SHTN1: variants seen among roughly 807,000 people sequenced by gnomAD.
The protein encoded by SHTN1 is shootin 1, also known as shootin-1.
A neutral mutation model predicts 83.1 loss-of-function variants in SHTN1; 42 were observed. The observed-to-expected ratio is 0.51, with a 90% CI of 0.39 to 0.65. The LOEUF (loss-of-function observed/expected upper bound fraction) is 0.65, where lower values mean the gene tolerates loss of function less well. Ranked by LOEUF, SHTN1 falls within the 30% of genes least tolerant of loss-of-function variation. SHTN1 has a pLI of 0.00. For synonymous variants in SHTN1, 224 were observed against 247.7 expected (o/e 0.90, Z 0.90); for missense variants, 622 against 737.8 (o/e 0.84, Z 1.82).
chr10:117,085,363 A>C lies in SHTN1; in HGVS notation c.-188-36853T>G, dbSNP rs187191599. Among the ~76,000 whole-genome samples the C allele has an allele frequency of 1.7e-3, 255 of 152,250 alleles. 5 individuals carry two copies. Among genetic ancestry groups the C allele is most frequent in the Admixed American group, 0.017 (253 of 15,278 alleles). The stretch of plus-strand genomic sequence containing the variant: ...TTTTTATGTTTACTTAGTTGAAAAT[A>C]TTTTTAAATTTCTCTTGCGATTTCT... On this transcript the variant is annotated intron_variant, in intron 1 of 17. Coordinates refer to the SHTN1 transcript ENST00000392901.
At chr10:116,908,328 C>T (rs1457060583) in intron 14 of SHTN1, among the ~76,000 whole-genome samples, 1 of 152,080 alleles carries the variant, frequency 6.6e-6, no homozygotes, top group East Asian at 1.9e-4. Flanking sequence ...TCACATGTAA[C>T]ACTATAATGG....
At chr10:116,918,684 C>G (rs1417415816) in intron 12 of SHTN1, among the ~76,000 whole-genome samples, 3 of 152,152 alleles carry the variant, frequency 2.0e-5, no homozygotes, top group African/African-American at 4.8e-5. Flanking sequence ...TGAGTATTTT[C>G]TGTGCTGGAT....
At position 116,885,593 on chromosome 10, in the gene SHTN1, A is replaced by G. The variant is rs1301092939; in HGVS notation, c.*751T>C. ...GTGCCACATTAGTATTTGGGAAAAC[A>G]TAATTAACTCATAGCACAGAGCACA... On this transcript the variant is annotated 3_prime_UTR_variant, in exon 17 of 17. Transcript: ENST00000355371. The G allele has an allele frequency of 3.3e-5, 5 of 152,636 alleles. No homozygotes were observed. The highest frequency in any genetic ancestry group is 7.3e-5 in the Non-Finnish European group (5 of 68,054). 9.5% of individuals were successfully genotyped at this position (152,636 alleles called of 1,614,324 possible).
chr10:117,037,841 A>G (rs1852522041), intron 2 of SHTN1, among the ~76,000 whole-genome samples: 1 of 151,924 alleles, frequency 6.6e-6, no homozygotes, highest in South Asian at 2.1e-4. Flanking sequence ...CCCCATCTCT[A>G]CTAAAAATAC....
At chr10:117,006,565 CAAA>C (rs35193104), upstream of SHTN1, among the ~76,000 whole-genome samples, 13 of 92,618 alleles carry the variant, frequency 1.4e-4, no homozygotes, top group Admixed American at 2.2e-4. Flanking sequence ...GACTCCGTCT[CAAA>C]AAAAAAAAAA....
chr10:116,995,007 A>G (rs1487043439), intron 1 of SHTN1, among the ~76,000 whole-genome samples: 1 of 152,154 alleles, frequency 6.6e-6, no homozygotes, highest in East Asian at 1.9e-4. Flanking sequence ...TAGAAATCTA[A>G]CATGCTACCT....
intron 15 of SHTN1, among the ~76,000 whole-genome samples, chr10:116,903,719 T>C (rs1847845366): frequency 6.6e-6 from 1 of 152,194 alleles, no homozygotes; most frequent in Non-Finnish European, 1.5e-5. Flanking sequence ...TTGACTACAA[T>C]ACTAGTTAGC....
chr10:116,886,526 C>G lies in SHTN1; in HGVS notation c.1714G>C (p.Gly572Arg). Reference sequence around the variant, plus strand: ...ACAACTGGTTCGGCTTGTTTTTCACCGTCAATGTATTTTTTCCTGCATCCA... The same window carrying G: ...ACAACTGGTTCGGCTTGTTTTTCACGGTCAATGTATTTTTTCCTGCATCCA... ...SIGCRKKYID[G>R]EKQAEPVVVL... The change falls in exon 17 of 17, where the codon GGT (glycine) becomes CGT (arginine). Residue 572 changes from glycine (G) to arginine (R), a missense_variant. By Grantham distance (125) the Gly-to-Arg change is moderately radical. This residue lies in a region of SHTN1 where 231 missense variants were observed against 251.6 expected (regional missense o/e 0.92). Coordinates refer to ENST00000355371, the MANE Select transcript of SHTN1 (RefSeq NM_001127211.3). 1 of 1,614,026 alleles carries G rather than the reference C, an allele frequency of 6.2e-7. No individual in the cohort carries two copies. Among genetic ancestry groups the G allele is most frequent in the Non-Finnish European group, 8.5e-7 (1 of 1,180,020 alleles).
chr10:117,033,509 TAACA>T lies in SHTN1; in HGVS notation c.-123+14932_-123+14935del, dbSNP rs372325988. ...AAATCCAAAACCTGAACAGACCAAATAACAAGTAACAAGATCGAAGCTATAATAA... is the reference window on the plus strand; with the variant it reads ...AAATCCAAAACCTGAACAGACCAAATAGTAACAAGATCGAAGCTATAATAA... On this transcript the variant is annotated intron_variant, in intron 2 of 17. Transcript: ENST00000392901. Among the ~76,000 whole-genome samples the T allele has an allele frequency of 2.5e-3, 381 of 151,978 alleles. 1 individual carries two copies. Among genetic ancestry groups the T allele is most frequent in the African/African-American group, 8.9e-3 (369 of 41,494 alleles).
At chr10:117,000,027 T>C (rs980952977) in intron 1 of SHTN1, among the ~76,000 whole-genome samples, 15 of 152,240 alleles carry the variant, frequency 9.9e-5, no homozygotes, top group African/African-American at 3.4e-4. Flanking sequence ...GTTGCCAAAC[T>C]GTTGTTCTTC....
At chr10:117,096,492 A>G (rs753584594) in intron 1 of SHTN1, among the ~76,000 whole-genome samples, 5 of 152,206 alleles carry the variant, frequency 3.3e-5, no homozygotes, top group African/African-American at 1.2e-4. Context: ...CTTCATCTCA[A>G]TATGTGCCAA....
chr10:117,035,727 G>A (rs372630740), intron 2 of SHTN1, among the ~76,000 whole-genome samples: 3 of 151,892 alleles, frequency 2.0e-5, no homozygotes, highest in Non-Finnish European at 4.4e-5. Flanking sequence ...TGAGGTAGGC[G>A]TCAAGGTCAG....
chr10:116,891,479 C>T (rs199524107), intron 16 of SHTN1, among the ~76,000 whole-genome samples: 1 of 152,128 alleles, frequency 6.6e-6, no homozygotes, highest in Non-Finnish European at 1.5e-5. Context: ...TGGATAAAAC[C>T]GCAACCATAT....
chr10:117,032,060 A>AT (rs1189806182), intron 2 of SHTN1, among the ~76,000 whole-genome samples: 1 of 151,652 alleles, frequency 6.6e-6, no homozygotes, highest in East Asian at 1.9e-4. Context: ...GATTAAAAAA[A>AT]ATTCCATCCA....
At chr10:117,021,246 G>GCCTCCCTTCCTC (rs887515646) in intron 2 of SHTN1, among the ~76,000 whole-genome samples, 1 of 152,018 alleles carries the variant, frequency 6.6e-6, no homozygotes, top group Non-Finnish European at 1.5e-5. Context: ...TGTGGTACGT[G>GCCTCCCTTCCTC]CCTCCCTTCC....
intron 1 of SHTN1, among the ~76,000 whole-genome samples, chr10:117,069,911 A>G (rs1225157071): frequency 6.6e-6 from 1 of 152,220 alleles, no homozygotes; most frequent in Admixed American, 6.5e-5. Context: ...CAGATTGTAC[A>G]TATTACAAAG....
At chr10:117,043,029 G>A (rs976003212) in intron 2 of SHTN1, among the ~76,000 whole-genome samples, 2 of 151,884 alleles carry the variant, frequency 1.3e-5, no homozygotes, top group South Asian at 2.1e-4. Context: ...TAAAATGAAG[G>A]ACACCATAAG....
At chr10:116,926,528 T>C (rs896391236) in intron 11 of SHTN1, among the ~76,000 whole-genome samples, 1 of 152,214 alleles carries the variant, frequency 6.6e-6, no homozygotes, top group African/African-American at 2.4e-5. Flanking sequence ...GTAGATTATG[T>C]CATACCCTAC....
rs1273976853 is a variant in SHTN1 at position 116,883,255 on chromosome 10, TTCTC to T, written c.*3085_*3088del. 2 of 152,188 alleles carry T rather than the reference TTCTC, an allele frequency of 1.3e-5. No individual in the cohort carries two copies. Among genetic ancestry groups the T allele is most frequent in the Admixed American group, 6.5e-5 (1 of 15,280 alleles). 9.4% of individuals were successfully genotyped at this position (152,188 alleles called of 1,614,324 possible). A position where few individuals can be genotyped will look rare whatever the true frequency, so the allele number is the denominator to read the frequency against. ...GCTAGGCACTCTTTCTACTTATACT[TTCTC>T]TCTCTTGTGTTATATAACATTTAAT... On this transcript the variant is annotated 3_prime_UTR_variant, in exon 17 of 17. Transcript: ENST00000355371.
Sources: allele counts gnomAD v4.1 joint callset (sites outside exome capture counted in the v4.1 genomes callset), GRCh38; gene constraint gnomAD v4.1.1; regional missense constraint gnomAD v4.1.1; transcripts MANE v1.5; gene names NCBI Gene and HGNC (gene_info 2026-07-23, HGNC 2026-07-21).